The following RSRC1 variants were observed in gnomAD, a reference collection of about 807,000 sequenced individuals.
RSRC1 encodes arginine and serine rich coiled-coil 1.
A neutral mutation model predicts 49.1 loss-of-function variants in RSRC1; 39 were observed. The observed-to-expected ratio is 0.79, with a 90% CI of 0.61 to 1.04. The LOEUF is 1.04. RSRC1 is among the 50% of genes least tolerant of loss of function. RSRC1 has a pLI of 0.00. For missense variants in RSRC1, 388 were observed against 402.4 expected, an observed-to-expected ratio of 0.96 and a Z score of 0.31; for synonymous variants, 143 against 130.8, an observed-to-expected ratio of 1.09 and a Z score of -0.63.
At chr3:158,396,417 G>C (rs1197699295) in intron 6 of RSRC1, among the ~76,000 whole-genome samples, 2 of 149,228 alleles carry the variant, frequency 1.3e-5, no homozygotes, top group Non-Finnish European at 3.0e-5. Context: ...AATGAAGGAA[G>C]ATCTTTTCTG....
At chr3:158,529,206 G>GTA (rs1712231909) in intron 7 of RSRC1, among the ~76,000 whole-genome samples, 3 of 105,866 alleles carry the variant, frequency 2.8e-5, no homozygotes, top group African/African-American at 1.4e-4. Context: ...ATATATGTAT[G>GTA]TGTGTGTGTA....
At chr3:158,115,190 T>C (rs1331861606) in intron 1 of RSRC1, among the ~76,000 whole-genome samples, 1 of 152,130 alleles carries the variant, frequency 6.6e-6, no homozygotes, top group Non-Finnish European at 1.5e-5. Flanking sequence ...ACTTTTGTTA[T>C]CTTTCATTAA....
intron 4 of RSRC1, among the ~76,000 whole-genome samples, chr3:158,295,215 TTAGA>T (rs1578301741): frequency 6.6e-6 from 1 of 151,914 alleles, no homozygotes; most frequent in Non-Finnish European, 1.5e-5. Context: ...TGGATTTTTG[TTAGA>T]TAGGGAAGAT....
chr3:158,195,155 A>G (rs558713516), intron 3 of RSRC1, among the ~76,000 whole-genome samples: 8 of 152,256 alleles, frequency 5.3e-5, no homozygotes, highest in Admixed American at 2.6e-4. Context: ...CCTCTCCAGC[A>G]TCTGTTGTTT....
At chr3:158,213,078 ATCC>A (rs1721772721) in intron 4 of RSRC1, among the ~76,000 whole-genome samples, 1 of 151,996 alleles carries the variant, frequency 6.6e-6, no homozygotes, top group Non-Finnish European at 1.5e-5. Flanking sequence ...TCAGAAATTT[ATCC>A]TCCTTTGATT....
At chr3:158,414,907 G>A (rs1310616449) in intron 6 of RSRC1, among the ~76,000 whole-genome samples, 3 of 151,942 alleles carry the variant, frequency 2.0e-5, no homozygotes, top group East Asian at 1.9e-4. Context: ...TGAAGTGTTC[G>A]TCATTTTCTT....
chr3:158,374,844 C>T (rs530403763), intron 6 of RSRC1, among the ~76,000 whole-genome samples: 1 of 151,898 alleles, frequency 6.6e-6, no homozygotes, highest in East Asian at 1.9e-4. Context: ...TATGGTCTTC[C>T]TCCTGGAAGG....
chr3:158,427,419 G>C (rs766643267), intron 6 of RSRC1, among the ~76,000 whole-genome samples: 4 of 151,718 alleles, frequency 2.6e-5, no homozygotes, highest in African/African-American at 9.7e-5. Flanking sequence ...TGTAGGTGTG[G>C]CTTTATTTGT....
At chr3:158,396,449 A>G (rs1285881324) in intron 6 of RSRC1, among the ~76,000 whole-genome samples, 1 of 147,732 alleles carries the variant, frequency 6.8e-6, no homozygotes, top group African/African-American at 2.5e-5. Context: ...TTAAATTTCT[A>G]TTTGTAAGGA....
chr3:158,351,876 T>G (rs986195564), intron 5 of RSRC1, among the ~76,000 whole-genome samples: 5 of 144,814 alleles, frequency 3.5e-5, no homozygotes, highest in African/African-American at 1.3e-4. Context: ...ATAAATATTA[T>G]GATATATAAC....
At chr3:158,310,381 A>C (rs999124144) in intron 5 of RSRC1, among the ~76,000 whole-genome samples, 7 of 151,808 alleles carry the variant, frequency 4.6e-5, no homozygotes, top group Admixed American at 2.6e-4. Context: ...AAATGCTTTA[A>C]ATGTAATCAT....
chr3:158,405,190 G>T (rs1446638647), intron 6 of RSRC1, among the ~76,000 whole-genome samples: 2 of 151,930 alleles, frequency 1.3e-5, no homozygotes, highest in African/African-American at 4.8e-5. Flanking sequence ...ACTGAAAGTT[G>T]CTTGTTTGTT....
At chr3:158,384,830 G>A (rs1281986637) in intron 6 of RSRC1, among the ~76,000 whole-genome samples, 1 of 152,042 alleles carries the variant, frequency 6.6e-6, no homozygotes, top group Non-Finnish European at 1.5e-5. Flanking sequence ...TCAAGGGCAA[G>A]GCAACCTATG....
chr3:158,516,529 A>G (rs1189359453), intron 7 of RSRC1, among the ~76,000 whole-genome samples: 1 of 152,164 alleles, frequency 6.6e-6, no homozygotes, highest in Non-Finnish European at 1.5e-5. Flanking sequence ...TTAAGTCTGC[A>G]GAGGTTACTG....
chr3:158,320,048 G>T (rs1728675468), intron 5 of RSRC1, among the ~76,000 whole-genome samples: 1 of 152,124 alleles, frequency 6.6e-6, no homozygotes, highest in East Asian at 1.9e-4. Context: ...TAGCATTGTT[G>T]TTAGAAATAA....
At chr3:158,427,744 A>G (rs1233665116) in intron 6 of RSRC1, among the ~76,000 whole-genome samples, 1 of 151,662 alleles carries the variant, frequency 6.6e-6, no homozygotes, top group Non-Finnish European at 1.5e-5. Flanking sequence ...TTTTGCATCT[A>G]GTTTTCTATC....
intron 5 of RSRC1, among the ~76,000 whole-genome samples, chr3:158,305,796 A>AC (rs1345704892): frequency 2.6e-5 from 4 of 152,070 alleles, no homozygotes; most frequent in Non-Finnish European, 5.9e-5. Flanking sequence ...AGCACAGCAC[A>AC]AGGAGTCAGA....
At chr3:158,474,608 G>A (rs1478380863) in intron 7 of RSRC1, among the ~76,000 whole-genome samples, 3 of 152,158 alleles carry the variant, frequency 2.0e-5, no homozygotes, top group South Asian at 2.1e-4. Context: ...TTTATTTATC[G>A]TAGAACTTCT....
At chr3:158,271,819 A>G (rs758346749) in intron 4 of RSRC1, among the ~76,000 whole-genome samples, 9 of 152,156 alleles carry the variant, frequency 5.9e-5, no homozygotes, top group Admixed American at 3.3e-4. Context: ...AGAATTAAAT[A>G]TGAAATTTTA....
Sources: allele counts gnomAD v4.1 joint callset (sites outside exome capture counted in the v4.1 genomes callset), GRCh38; gene constraint gnomAD v4.1.1; transcripts MANE v1.5; gene names NCBI Gene and HGNC (gene_info 2026-07-23, HGNC 2026-07-21).